The following CLNK variants were observed in gnomAD, a reference collection of about 807,000 sequenced individuals.
The protein encoded by CLNK is cytokine-dependent hematopoietic cell linker.
In CLNK, 74 loss-of-function variants were observed where a neutral mutation model predicts 68.6. The observed-to-expected ratio is 1.08, with a 90% CI of 0.89 to 1.31. The LOEUF is 1.31. Ranked by LOEUF, CLNK falls within the 50% of genes most tolerant of loss-of-function variation. CLNK has a pLI of 0.00. For synonymous variants in CLNK, 198 were observed against 172.2 expected, an observed-to-expected ratio of 1.15 and a Z score of -1.17; for missense variants, 553 against 515.3, an observed-to-expected ratio of 1.07 and a Z score of -0.71.
chr4:10,627,046 C>A (rs1363020254), intron 2 of CLNK, among the ~76,000 whole-genome samples: 1 of 152,232 alleles, frequency 6.6e-6, no homozygotes, highest in Non-Finnish European at 1.5e-5. Context: ...AGCGAGAGGT[C>A]AAAGCGGTGT....
At chr4:10,628,288 T>C (rs1722753770) in intron 2 of CLNK, among the ~76,000 whole-genome samples, 1 of 149,736 alleles carries the variant, frequency 6.7e-6, no homozygotes, top group South Asian at 2.1e-4. Context: ...TTCATTTCCT[T>C]AAAAGGCTTG....
chr4:10,605,083 T>G (rs1721734676), intron 2 of CLNK, among the ~76,000 whole-genome samples: 1 of 152,202 alleles, frequency 6.6e-6, no homozygotes, highest in Non-Finnish European at 1.5e-5. Context: ...TGCCTGAGTT[T>G]CCAGCCTATT....
intron 17 of CLNK, among the ~76,000 whole-genome samples, chr4:10,504,265 C>T (rs1038509863): frequency 5.9e-5 from 9 of 151,546 alleles, no homozygotes; most frequent in Admixed American, 1.3e-4. Context: ...GGACTACAGG[C>T]GCCCGCCACC....
intron 3 of CLNK, 72 bp from the exon 4 acceptor site, chr4:10,585,027 A>T: frequency 6.5e-7 from 1 of 1,528,572 alleles, no homozygotes; most frequent in Non-Finnish European, 9.0e-7. Flanking sequence ...ACATAGGAAC[A>T]GGCAGTCATC....
At position 10,547,743 on chromosome 4, in the gene CLNK, T is replaced by C. The variant is rs142020555; in HGVS notation, c.446-5463A>G. Among the ~76,000 whole-genome samples, 491 of 152,290 alleles carry C rather than the reference T, an allele frequency of 3.2e-3. 2 individuals are homozygous for C. Among genetic ancestry groups the C allele is most frequent in the African/African-American group, 0.011 (477 of 41,576 alleles). ...CACAAGTAAGTGAGATTCTACAGCA[T>C]CATTTTTCTGCGTCTGACTTGTTTT... On this transcript the variant is annotated intron_variant, in intron 8 of 18. Coordinates refer to ENST00000226951, the MANE Select transcript of CLNK (RefSeq NM_052964.4).
chr4:10,599,227 A>G (rs1302452073), intron 2 of CLNK, among the ~76,000 whole-genome samples: 1 of 152,206 alleles, frequency 6.6e-6, no homozygotes, highest in African/African-American at 2.4e-5. Context: ...CGAGGAGCTG[A>G]GTGGACACTC....
At chr4:10,534,906 A>G (rs1443339746) in intron 11 of CLNK, among the ~76,000 whole-genome samples, 1 of 152,204 alleles carries the variant, frequency 6.6e-6, no homozygotes, top group African/African-American at 2.4e-5. Flanking sequence ...ACAAATGTGT[A>G]TATCTCTATA....
chr4:10,667,937 A>G, intron 1 of CLNK, 26 bp from the exon 2 acceptor site: 2 of 1,235,136 alleles, frequency 1.6e-6, no homozygotes, highest in Non-Finnish European at 2.2e-6. Context: ...CAAACGCGTT[A>G]CTGGAACTTC....
chr4:10,733,968 G>A, the CLNK span, among the ~76,000 whole-genome samples: 54,320 of 152,016 alleles, frequency 0.36, 11,457 homozygotes, highest in African/African-American at 0.6. Flanking sequence ...TCTATGGCCA[G>A]CTGGCCCATT....
At chr4:10,716,988 CA>C in the CLNK span, among the ~76,000 whole-genome samples, 1 of 150,476 alleles carries the variant, frequency 6.6e-6, no homozygotes, top group Admixed American at 6.6e-5. Context: ...AACTTTTAGA[CA>C]ATAACTGTCC....
At position 10,508,037 on chromosome 4, in the gene CLNK, C is replaced by T. The variant is rs759186258; in HGVS notation, c.907-1G>A. ...TGTACCATTCATTGTGCTGGACATC[C>T]TGCAGAACAGAATCAATGATAAATA... On this transcript the variant is annotated splice_acceptor_variant, in intron 16 of 18. Transcript: ENST00000226951. LOFTEE classifies it high-confidence loss of function. 4.4e-6 allele frequency: 7 copies of T among 1,606,200 alleles called. No homozygotes were observed. The highest frequency in any genetic ancestry group is 3.4e-6 in the Non-Finnish European group (4 of 1,175,874).
intron 12 of CLNK, among the ~76,000 whole-genome samples, chr4:10,530,627 T>C (rs966496685): frequency 6.6e-6 from 1 of 152,226 alleles, no homozygotes; most frequent in East Asian, 1.9e-4. Flanking sequence ...TGACCCCCCA[T>C]CTCCCAATTC....
At chr4:10,611,090 C>A (rs1721997764) in intron 2 of CLNK, among the ~76,000 whole-genome samples, 1 of 152,148 alleles carries the variant, frequency 6.6e-6, no homozygotes, top group Non-Finnish European at 1.5e-5. Flanking sequence ...GAGGTTGAGG[C>A]AAACAGATCA....
chr4:10,723,502 G>A, the CLNK span, among the ~76,000 whole-genome samples: 2 of 152,174 alleles, frequency 1.3e-5, no homozygotes, highest in African/African-American at 2.4e-5. Context: ...TGTCTCAGAA[G>A]TGATGTGTGG....
chr4:10,643,000 G>GA (rs2108876920), intron 2 of CLNK, among the ~76,000 whole-genome samples: 1 of 152,126 alleles, frequency 6.6e-6, no homozygotes, highest in Admixed American at 6.5e-5. Context: ...CTATATATAC[G>GA]CACACATACA....
At chr4:10,584,639 A>G (rs2108836753) in intron 4 of CLNK, among the ~76,000 whole-genome samples, 1 of 152,254 alleles carries the variant, frequency 6.6e-6, no homozygotes, top group Middle Eastern at 3.4e-3. Context: ...ACTTATACCC[A>G]TTGCACAGAT....
chr4:10,628,512 C>T (rs1470604508), intron 2 of CLNK, among the ~76,000 whole-genome samples: 1 of 152,242 alleles, frequency 6.6e-6, no homozygotes, highest in Admixed American at 6.5e-5. Flanking sequence ...CAGACTAAGA[C>T]GGCACCTAGA....
chr4:10,695,787 A>T, the CLNK span, among the ~76,000 whole-genome samples: 1 of 151,918 alleles, frequency 6.6e-6, no homozygotes, highest in Non-Finnish European at 1.5e-5. Context: ...AGTTTCATTT[A>T]TTACCCCTAT....
intron 2 of CLNK, among the ~76,000 whole-genome samples, chr4:10,654,232 T>C (rs1427681581): frequency 6.6e-6 from 1 of 151,822 alleles, no homozygotes; most frequent in Non-Finnish European, 1.5e-5. Context: ...ATGACCAAGT[T>C]GAATTTATCT....
Sources: gnomAD v4.1 joint callset for allele counts (sites outside exome capture counted in the v4.1 genomes callset) on GRCh38, gnomAD v4.1.1 for gene constraint, MANE v1.5 for transcripts, NCBI Gene and HGNC (gene_info 2026-07-23, HGNC 2026-07-21) for gene names.